IMMP2L: variants seen among roughly 807,000 people sequenced by gnomAD.
IMMP2L encodes the protein inner mitochondrial membrane peptidase subunit 2, also known as mitochondrial inner membrane protease subunit 2.
A neutral mutation model predicts 19.3 loss-of-function variants in IMMP2L; 18 were observed. The ratio of observed to expected loss-of-function variants is 0.93; its 90% confidence interval spans 0.64 to 1.38. The LOEUF (loss-of-function observed/expected upper bound fraction) is 1.38. IMMP2L is among the 40% of genes most tolerant of loss of function. The pLI is 0.00. For missense variants in IMMP2L, 233 were observed against 218.2 expected (o/e 1.07, Z -0.43); for synonymous variants, 76 against 73.0 (o/e 1.04, Z -0.21).
At chr7:111,425,513 TATAA>T (rs1351695316) in intron 3 of IMMP2L, among the ~76,000 whole-genome samples, 1 of 150,970 alleles carries the variant, frequency 6.6e-6, no homozygotes, top group Non-Finnish European at 1.5e-5. Context: ...TGAAATGCAT[TATAA>T]ATAAATAAGA....
intron 3 of IMMP2L, among the ~76,000 whole-genome samples, chr7:111,472,448 T>C (rs1841355884): frequency 1.3e-5 from 2 of 152,162 alleles, no homozygotes; most frequent in African/African-American, 4.8e-5. Context: ...TGATATACTG[T>C]ATTTCAAATT....
chr7:110,712,916 C>T (rs1466380636), intron 5 of IMMP2L, among the ~76,000 whole-genome samples: 1 of 142,970 alleles, frequency 7.0e-6, no homozygotes, highest in Non-Finnish European at 1.5e-5. Context: ...GTCTGGCACT[C>T]CCTGGTGAGA....
chr7:110,844,414 C>A (rs1805433938), intron 5 of IMMP2L, among the ~76,000 whole-genome samples: 1 of 151,516 alleles, frequency 6.6e-6, no homozygotes, highest in South Asian at 2.1e-4. Context: ...GCAGCAATTG[C>A]AAAATAATGG....
intron 3 of IMMP2L, among the ~76,000 whole-genome samples, chr7:111,283,908 T>C (rs1318621681): frequency 1.4e-5 from 2 of 144,824 alleles, no homozygotes; most frequent in African/African-American, 5.2e-5. Flanking sequence ...GAGGCGGAGC[T>C]TGCAGTGAGC....
intron 3 of IMMP2L, among the ~76,000 whole-genome samples, chr7:111,279,556 C>G (rs1176132937): frequency 6.6e-6 from 1 of 152,194 alleles, no homozygotes; most frequent in East Asian, 1.9e-4. Flanking sequence ...TTACGAAAAC[C>G]CTTTTTCTAA....
intron 1 of IMMP2L, among the ~76,000 whole-genome samples, chr7:111,553,441 A>G (rs779811040): frequency 1.2e-4 from 19 of 152,280 alleles, no homozygotes; most frequent in Non-Finnish European, 2.2e-4. Flanking sequence ...AATCTCCAAA[A>G]TAAGTCCATT....
chr7:110,730,405 C>T (rs1796184521), intron 5 of IMMP2L, among the ~76,000 whole-genome samples: 1 of 152,214 alleles, frequency 6.6e-6, no homozygotes, highest in African/African-American at 2.4e-5. Context: ...GCTTTTGGAC[C>T]CTTGGACTTA....
In IMMP2L at chr7:111,487,167, G is replaced by A. The variant is rs1842726140; in HGVS notation, c.239+71C>T. Reference sequence around the variant, plus strand: ...AATTGGCAATATGATATTAACAGTGGATTACCAGTTAAATCAGCATAAGTA... The same window carrying A: ...AATTGGCAATATGATATTAACAGTGAATTACCAGTTAAATCAGCATAAGTA... On this transcript the variant is annotated intron_variant, in intron 3 of 5. Coordinates refer to ENST00000405709, the MANE Select transcript of IMMP2L (RefSeq NM_032549.4). The A allele has an allele frequency of 4.4e-6, 3 of 689,602 alleles. No homozygotes were observed. The South Asian group carries it at 5.7e-5, about 13-fold the overall frequency. The allele number at this position is 689,602 out of a possible 1,614,324, so 42.7% of individuals were successfully genotyped here. A position where few individuals can be genotyped will look rare whatever the true frequency, so the allele number is the denominator to read the frequency against.
chr7:110,907,353 C>T (rs979424741), intron 4 of IMMP2L, among the ~76,000 whole-genome samples: 2 of 152,104 alleles, frequency 1.3e-5, no homozygotes, highest in East Asian at 1.9e-4. Context: ...CAGCTGTCCC[C>T]GACCAGACTC....
intron 3 of IMMP2L, among the ~76,000 whole-genome samples, chr7:111,271,822 C>T (rs1304378595): frequency 6.6e-6 from 1 of 152,128 alleles, no homozygotes; most frequent in Admixed American, 6.6e-5. Flanking sequence ...AAAAATGACA[C>T]CACCATGAAG....
intron 5 of IMMP2L, among the ~76,000 whole-genome samples, chr7:110,717,710 A>G (rs4730450): frequency 0.75 from 114,458 of 152,072 alleles, 43,165 homozygotes; most frequent in East Asian, 0.82. Flanking sequence ...TCCTTGGATT[A>G]GGCAATTAGA....
intron 3 of IMMP2L, among the ~76,000 whole-genome samples, chr7:111,274,987 A>G (rs1818862656): frequency 6.6e-6 from 1 of 152,182 alleles, no homozygotes; most frequent in African/African-American, 2.4e-5. Context: ...CCAAAGCAGT[A>G]GCACCAAGGC....
At chr7:111,479,008 G>A (rs1433723739) in intron 3 of IMMP2L, among the ~76,000 whole-genome samples, 1 of 152,124 alleles carries the variant, frequency 6.6e-6, no homozygotes, top group South Asian at 2.1e-4. Flanking sequence ...TGTAAGTAGT[G>A]GCCTATTTAT....
chr7:111,153,332 C>CT (rs1804280563), intron 3 of IMMP2L, among the ~76,000 whole-genome samples: 1 of 152,066 alleles, frequency 6.6e-6, no homozygotes, highest in Non-Finnish European at 1.5e-5. Flanking sequence ...GAGACATACT[C>CT]TAACAATAAA....
At chr7:111,186,621 G>A (rs1808296753) in intron 3 of IMMP2L, among the ~76,000 whole-genome samples, 1 of 151,912 alleles carries the variant, frequency 6.6e-6, no homozygotes, top group Admixed American at 6.6e-5. Flanking sequence ...AGTAGAAACG[G>A]GGTTTCACCT....
intron 4 of IMMP2L, among the ~76,000 whole-genome samples, chr7:110,920,761 T>C (rs1814186478): frequency 6.6e-6 from 1 of 152,186 alleles, no homozygotes; most frequent in Admixed American, 6.6e-5. Context: ...TTTGCCCCAG[T>C]AACTGGCAGG....
chr7:110,853,979 T>G (rs1214859968), intron 5 of IMMP2L, among the ~76,000 whole-genome samples: 1 of 151,958 alleles, frequency 6.6e-6, no homozygotes, highest in African/African-American at 2.4e-5. Context: ...CTGTTCTCAA[T>G]TTAGACAGAA....
intron 3 of IMMP2L, among the ~76,000 whole-genome samples, chr7:111,145,709 T>G (rs1803396515): frequency 6.6e-6 from 1 of 152,080 alleles, no homozygotes; most frequent in South Asian, 2.1e-4. Context: ...TTGCAAAGAC[T>G]TAAGTAATAC....
rs559943819 is a variant in IMMP2L at position 111,385,695 on chromosome 7, A to C, written c.239+101543T>G. Reference sequence around the variant, plus strand: ...ACTGGTTACTTGGCTGTCATAAGACAGAAAATGAGCTGCCATAAGAAAAGC... The same window carrying C: ...ACTGGTTACTTGGCTGTCATAAGACCGAAAATGAGCTGCCATAAGAAAAGC... On this transcript the variant is annotated intron_variant, in intron 3 of 5. Coordinates refer to ENST00000405709, the MANE Select transcript of IMMP2L (RefSeq NM_032549.4). 4.1e-4 allele frequency among the ~76,000 whole-genome samples: 62 copies of C among 152,270 alleles called. No individual in the cohort carries two copies. The East Asian group carries it at 0.011, about 28-fold the overall frequency.
Sources: gnomAD v4.1 joint callset for allele counts (sites outside exome capture counted in the v4.1 genomes callset) on GRCh38, gnomAD v4.1.1 for gene constraint, MANE v1.5 for transcripts, NCBI Gene and HGNC (gene_info 2026-07-23, HGNC 2026-07-21) for gene names.